KAZN: variants seen among roughly 807,000 people sequenced by gnomAD.
KAZN encodes the protein kazrin, periplakin interacting protein.
KAZN carries 40 observed loss-of-function variants against 87.4 expected under a neutral mutation model. The observed-to-expected ratio is 0.46, with a 90% CI of 0.36 to 0.60. KAZN has a LOEUF of 0.60. KAZN is among the 20% of genes least tolerant of loss of function. The probability of loss-of-function intolerance (pLI) is 0.00; values close to 1 mark genes in which losing one functional copy is unlikely to be tolerated. For missense variants in KAZN, 898 were observed against 1,073.9 expected (o/e 0.84, Z 2.29); for synonymous variants, 466 against 458.3 (o/e 1.02, Z -0.22).
At chr1:14,666,039 T>A (rs908040596) in intron 1 of KAZN, among the ~76,000 whole-genome samples, 5 of 145,218 alleles carry the variant, frequency 3.4e-5, no homozygotes, top group African/African-American at 1.3e-4. Context: ...CCTTGGAATT[T>A]AAAAAAAAAA....
At chr1:13,996,444 C>G (rs1195718731) in intron 1 of KAZN, among the ~76,000 whole-genome samples, 2 of 152,160 alleles carry the variant, frequency 1.3e-5, no homozygotes, top group Non-Finnish European at 2.9e-5. Context: ...ACACTAAGCT[C>G]CCTGGGTGGG....
intron 1 of KAZN, among the ~76,000 whole-genome samples, chr1:14,885,795 C>T (rs1653973250): frequency 6.6e-6 from 1 of 152,086 alleles, no homozygotes; most frequent in Non-Finnish European, 1.5e-5. Context: ...AGGTGCTCTA[C>T]AATCCTCTTG....
intron 2 of KAZN, among the ~76,000 whole-genome samples, chr1:14,395,114 A>G (rs1311037134): frequency 6.6e-6 from 1 of 152,160 alleles, no homozygotes; most frequent in Non-Finnish European, 1.5e-5. Flanking sequence ...GGGGGAAAAG[A>G]AGGAAGGAGA....
At chr1:14,230,295 A>C (rs1344983655) in intron 2 of KAZN, among the ~76,000 whole-genome samples, 1 of 152,230 alleles carries the variant, frequency 6.6e-6, no homozygotes, top group Non-Finnish European at 1.5e-5. Flanking sequence ...CTTACAAAAA[A>C]CTAATAACAC....
intron 1 of KAZN, among the ~76,000 whole-genome samples, chr1:13,967,513 T>G (rs1439784374): frequency 6.6e-6 from 1 of 152,128 alleles, no homozygotes; most frequent in Non-Finnish European, 1.5e-5. Flanking sequence ...TACAGAGGCC[T>G]GGGGGTCAGA....
At position 14,329,260 on chromosome 1, in the gene KAZN, C is replaced by G. The variant is rs549070904; in HGVS notation, c.249+148668C>G. Among the ~76,000 whole-genome samples the G allele has an allele frequency of 2.6e-5, 4 of 151,912 alleles. No homozygotes were observed. In the East Asian group the frequency reaches 7.8e-4, roughly 29 times the overall value. ...ATTAGCGGCTCCAGCAGAAGGAGGTCATCCAGGAAAATGTTCTGTTGGCTT... is the reference window on the plus strand; with the variant it reads ...ATTAGCGGCTCCAGCAGAAGGAGGTGATCCAGGAAAATGTTCTGTTGGCTT... On this transcript the variant is annotated intron_variant, in intron 2 of 16. Transcript: ENST00000636203.
At chr1:14,563,888 T>TTTTTTTTTTTTTTTTTTTTTTG (rs70997161) in intron 2 of KAZN, among the ~76,000 whole-genome samples, 1 of 147,934 alleles carries the variant, frequency 6.8e-6, no homozygotes, top group Non-Finnish European at 1.5e-5. Flanking sequence ...TTTTTTTTTT[T>TTTTTTTTTTTTTTTTTTTTTTG]GTCTGAGACA....
At chr1:14,419,701 A>G (rs767645437) in intron 2 of KAZN, among the ~76,000 whole-genome samples, 3 of 152,036 alleles carry the variant, frequency 2.0e-5, no homozygotes, top group Admixed American at 6.6e-5. Flanking sequence ...CGCTGGCTTC[A>G]TTCAAGAGTG....
intron 1 of KAZN, among the ~76,000 whole-genome samples, chr1:14,110,567 T>C (rs1233206369): frequency 2.0e-5 from 3 of 152,180 alleles, no homozygotes; most frequent in Non-Finnish European, 2.9e-5. Context: ...TCTATCTATT[T>C]CTCTTAGGAG....
At chr1:15,085,836 T>C (rs1475191752) in intron 8 of KAZN, among the ~76,000 whole-genome samples, 2 of 152,126 alleles carry the variant, frequency 1.3e-5, no homozygotes, top group Admixed American at 1.3e-4. Flanking sequence ...AGAGGTAATA[T>C]TGTAAGAGAT....
intron 2 of KAZN, among the ~76,000 whole-genome samples, chr1:14,465,102 C>T (rs74059530): frequency 0.044 from 6,647 of 152,012 alleles, 480 homozygotes; most frequent in African/African-American, 0.15. Flanking sequence ...ACGGATGGTC[C>T]AAGACAGCTT....
At chr1:14,989,471 G>A (rs1667144829) in intron 2 of KAZN, among the ~76,000 whole-genome samples, 1 of 152,102 alleles carries the variant, frequency 6.6e-6, no homozygotes. Flanking sequence ...GCAAGCCTCT[G>A]TTTCAAAAAA....
intron 2 of KAZN, among the ~76,000 whole-genome samples, chr1:14,587,077 C>T (rs1033737395): frequency 1.1e-4 from 16 of 152,100 alleles, no homozygotes; most frequent in African/African-American, 2.4e-4. Context: ...AATAATTACA[C>T]GTATATTCAT....
rs137975005 is a variant in KAZN, at chr1:14,739,977, G to A, written c.226+140754G>A. Among the ~76,000 whole-genome samples the A allele has an allele frequency of 2.9e-3, 445 of 152,210 alleles. 3 individuals are homozygous for A. The highest frequency in any genetic ancestry group is 0.01 in the African/African-American group (425 of 41,532). On this transcript the variant is annotated intron_variant, in intron 1 of 14. Transcript: ENST00000376030. ...AATCCTTTTGGCTCTGGTTTATTGG[G>A]GCATTTGCTGAGCAGTTGAGAACGG...
intron 2 of KAZN, among the ~76,000 whole-genome samples, chr1:14,452,553 C>A (rs1667334162): frequency 6.6e-6 from 1 of 152,170 alleles, no homozygotes; most frequent in Admixed American, 6.5e-5. Context: ...CATCAAGACC[C>A]TCCAGGTATA....
intron 2 of KAZN, among the ~76,000 whole-genome samples, chr1:15,002,985 A>C (rs1668640615): frequency 7.0e-6 from 1 of 142,782 alleles, no homozygotes; most frequent in Admixed American, 7.1e-5. Context: ...CAAAAAATAA[A>C]ATAAAAATAA....
At chr1:14,447,911 C>A (rs1667073812) in intron 2 of KAZN, among the ~76,000 whole-genome samples, 1 of 152,204 alleles carries the variant, frequency 6.6e-6, no homozygotes, top group Admixed American at 6.5e-5. Flanking sequence ...GAAGTTAGAA[C>A]CCATTTCTGT....
At chr1:14,363,825 G>A (rs1366401618) in intron 2 of KAZN, among the ~76,000 whole-genome samples, 1 of 152,134 alleles carries the variant, frequency 6.6e-6, no homozygotes, top group East Asian at 1.9e-4. Flanking sequence ...GATATTAGTA[G>A]TGTCCTACAA....
chr1:14,962,880 T>C (rs1398823), intron 2 of KAZN, among the ~76,000 whole-genome samples: 12,440 of 152,028 alleles, frequency 0.082, 1,683 homozygotes, highest in African/African-American at 0.28. Flanking sequence ...TCACTTACAC[T>C]ACCATCCCCA....
Sources: gnomAD v4.1 joint callset for allele counts (sites outside exome capture counted in the v4.1 genomes callset) on GRCh38, gnomAD v4.1.1 for gene constraint, MANE v1.5 for transcripts, NCBI Gene and HGNC (gene_info 2026-07-23, HGNC 2026-07-21) for gene names.